Variants in DIAPH1 observed in about 807,000 individuals in gnomAD.
The protein encoded by DIAPH1 is diaphanous related formin 1.
DIAPH1 carries 46 observed loss-of-function variants against 140.7 expected under a neutral mutation model. That is an observed-to-expected ratio of 0.33 (90% confidence interval 0.26 to 0.42). The LOEUF is 0.42. Ranked by LOEUF, DIAPH1 falls within the 10% of genes least tolerant of loss-of-function variation. The pLI, the probability that DIAPH1 is intolerant of heterozygous loss-of-function variation, is 1.00. For missense variants in DIAPH1, 1,310 were observed against 1,558.7 expected, an observed-to-expected ratio of 0.84 and a Z score of 2.69; for synonymous variants, 565 against 551.6, an observed-to-expected ratio of 1.02 and a Z score of -0.34.
At chr5:141,532,892 C>T (rs1483024375) in intron 19 of DIAPH1, among the ~76,000 whole-genome samples, 1 of 152,194 alleles carries the variant, frequency 6.6e-6, no homozygotes, top group Non-Finnish European at 1.5e-5. Context: ...TTACTCATGT[C>T]TTATGTTCCT....
At chr5:141,582,497 A>C (rs1238391267) in intron 6 of DIAPH1, 122 bp from the exon 7 acceptor site, 3 of 743,084 alleles carry the variant, frequency 4.0e-6, no homozygotes, top group Non-Finnish European at 7.3e-6. Context: ...AATTTTAGGA[A>C]ATAGCACCTT....
intron 18 of DIAPH1, among the ~76,000 whole-genome samples, chr5:141,559,414 T>C (rs2099893174): frequency 6.6e-6 from 1 of 152,104 alleles, no homozygotes; most frequent in African/African-American, 2.4e-5. Flanking sequence ...AACTAGACCA[T>C]TACAGATGTG....
rs557623334 is a variant in DIAPH1, at chr5:141,529,669, G to T, written c.2610C>A (p.Pro870=). ...GGATGACATTCTTAATCTCTTGATAGGGCATGCGGAAGGAACCCAAAAAGA... is the reference window on the plus strand; with the variant it reads ...GGATGACATTCTTAATCTCTTGATATGGCATGCGGAAGGAACCCAAAAAGA... ...LSIFLGSFRM[P]YQEIKNVILE... is the part of the protein sequence containing the mutation. Residue 870 remains proline, a synonymous_variant, in exon 20 of 28, where the codon CCC becomes CCA. Transcript: ENST00000389054. 1 of 1,614,080 alleles carries T rather than the reference G, an allele frequency of 6.2e-7. No individual in the cohort carries two copies. The highest frequency in any genetic ancestry group is 1.3e-5 in the African/African-American group (1 of 75,022).
At chr5:141,534,566 C>T (rs2099888731) in intron 18 of DIAPH1, 133 bp from the exon 19 acceptor site, 2 of 703,260 alleles carry the variant, frequency 2.8e-6, no homozygotes, top group African/African-American at 3.6e-5. Context: ...TCCTTCAAAA[C>T]TAACCTCCTC....
At chr5:141,541,138 T>C (rs999013817) in intron 18 of DIAPH1, among the ~76,000 whole-genome samples, 1 of 152,218 alleles carries the variant, frequency 6.6e-6, no homozygotes, top group African/African-American at 2.4e-5. Flanking sequence ...TGACATCCAC[T>C]GTGAGAAACA....
chr5:141,575,689 G>A (rs2099895864), intron 14 of DIAPH1, among the ~76,000 whole-genome samples: 1 of 151,722 alleles, frequency 6.6e-6, no homozygotes, highest in Non-Finnish European at 1.5e-5. Context: ...AATAAAACAA[G>A]GTTAAAGGAG....
chr5:141,594,465 G>A (rs2099898990), intron 1 of DIAPH1, among the ~76,000 whole-genome samples: 1 of 152,200 alleles, frequency 6.6e-6, no homozygotes, highest in Admixed American at 6.5e-5. Context: ...CATATGGCCG[G>A]GCGCGGTAGC....
chr5:141,515,072 G>A lies in DIAPH1; in HGVS notation c.*1779C>T, dbSNP rs547674407. On this transcript the variant is annotated 3_prime_UTR_variant, in exon 28 of 28. Transcript: ENST00000389054. ...TGGAAACAAAACCAACAAACTGGAG[G>A]TGATGACATCCCAGAAGCCTATGAG... The A allele has an allele frequency of 1.3e-5, 2 of 152,718 alleles. No individual in the cohort carries two copies. Among genetic ancestry groups the A allele is most frequent in the African/African-American group, 4.8e-5 (2 of 41,574 alleles). 9.5% of individuals were successfully genotyped at this position (152,718 alleles called of 1,614,324 possible).
chr5:141,524,105 C>G lies in DIAPH1; in HGVS notation c.3661+38G>C, dbSNP rs576246498. On this transcript the variant is annotated intron_variant, in intron 27 of 27. Coordinates refer to ENST00000389054, the MANE Select transcript of DIAPH1 (RefSeq NM_005219.5). ...TGGCAGGAGTAGAGAGCCCTCACCC[C>G]CTTCGACACCCAGGATGAGCTCCAT... 38 of 1,583,668 alleles carry G rather than the reference C, an allele frequency of 2.4e-5. 1 individual carries two copies. The South Asian group carries it at 2.4e-4, about 10-fold the overall frequency.
Position 141,574,979 on chromosome 5 carries a change from C to T in DIAPH1, c.1629G>A (p.Gln543=). Residue 543 remains glutamine, a synonymous_variant, in exon 15 of 28, where the codon CAG becomes CAA. Coordinates refer to ENST00000389054, the MANE Select transcript of DIAPH1 (RefSeq NM_005219.5). ...EKQDLEAEVS[Q]LTGEVAKLTK... The stretch of plus-strand genomic sequence containing the variant: ...GCTCAGGCATTACCTCTCCTGTGAG[C>T]TGGGACACCTCTGCTTCCAGGTCCT... The T allele has an allele frequency of 6.2e-7, 1 of 1,614,182 alleles. No individual in the cohort carries two copies. The highest frequency in any genetic ancestry group is 8.5e-7 in the Non-Finnish European group (1 of 1,180,032).
chr5:141,554,645 C>T (rs62379253), intron 18 of DIAPH1, among the ~76,000 whole-genome samples: 5 of 152,052 alleles, frequency 3.3e-5, no homozygotes, highest in Non-Finnish European at 5.9e-5. Flanking sequence ...AACACAGGCA[C>T]AAAATTCCTA....
intron 18 of DIAPH1, chr5:141,564,357 C>A (rs72792307): frequency 6.6e-6 from 1 of 152,160 alleles, no homozygotes; most frequent in African/African-American, 2.4e-5. Context: ...CACTACCAAA[C>A]GCAACAATGA....
At chr5:141,562,238 A>G (rs1721284419) in intron 18 of DIAPH1, among the ~76,000 whole-genome samples, 1 of 151,830 alleles carries the variant, frequency 6.6e-6, no homozygotes, top group South Asian at 2.1e-4. Flanking sequence ...AAAAAGAACA[A>G]TTATTTCATT....
At chr5:141,560,833 C>G in intron 18 of DIAPH1, 1 of 456,150 alleles carries the variant, frequency 2.2e-6, no homozygotes, top group South Asian at 1.5e-5. Flanking sequence ...AAACTCCCAG[C>G]CCCCAGCCTG....
At chr5:141,527,528 C>T (rs1026475403) in intron 24 of DIAPH1, 45 bp downstream of exon 24, 30 of 1,608,564 alleles carry the variant, frequency 1.9e-5, no homozygotes, top group Non-Finnish European at 2.4e-5. Flanking sequence ...AGGAAGTTTT[C>T]TTTCCCTTCC....
At chr5:141,588,825 G>A (rs1034726408) in intron 1 of DIAPH1, 1 of 154,462 alleles carries the variant, frequency 6.5e-6, no homozygotes, top group African/African-American at 2.4e-5. Flanking sequence ...TATACCAAGA[G>A]TGTTCATAGT....
rs530097346 is a variant in DIAPH1, at chr5:141,602,377, G to A, written c.118-14127C>T. On this transcript the variant is annotated intron_variant, in intron 1 of 27. Coordinates refer to ENST00000389054, the MANE Select transcript of DIAPH1 (RefSeq NM_005219.5). ...ACTACAGGCGCCCATCACCTCACTC[G>A]GCTAATTTTTTGTATATTTAGTAGA... is the stretch of plus-strand genomic sequence containing the variant. 1.2e-4 allele frequency among the ~76,000 whole-genome samples: 19 copies of A among 152,134 alleles called. 1 individual carries two copies. The South Asian group carries it at 3.3e-3, about 27-fold the overall frequency.
At position 141,593,174 on chromosome 5, in the gene DIAPH1, T is replaced by C. The variant is rs549162010; in HGVS notation, c.118-4924A>G. On this transcript the variant is annotated intron_variant, in intron 1 of 27. Transcript: ENST00000389054. ...TTAGGAATAATTGGCACCAGATACC[T>C]ATGGAAATGGGAGTTAAAGGAGGGG... Among the ~76,000 whole-genome samples, 8 of 152,298 alleles carry C rather than the reference T, an allele frequency of 5.3e-5. No individual in the cohort carries two copies. In the South Asian group the frequency reaches 1.2e-3, roughly 24 times the overall value.
intron 1 of DIAPH1, among the ~76,000 whole-genome samples, chr5:141,604,286 G>C (rs952070338): frequency 3.9e-5 from 6 of 152,100 alleles, no homozygotes; most frequent in Non-Finnish European, 5.9e-5. Context: ...ACATATACAG[G>C]AAACAAAACA....
Sources: gnomAD v4.1 joint callset for allele counts (sites outside exome capture counted in the v4.1 genomes callset) on GRCh38, gnomAD v4.1.1 for gene constraint, MANE v1.5 for transcripts, NCBI Gene and HGNC (gene_info 2026-07-23, HGNC 2026-07-21) for gene names.